Variants in WDR27 observed in about 807,000 individuals in gnomAD.
WDR27 encodes WD repeat domain 27, also known as WD repeat-containing protein 27.
In WDR27, 100 loss-of-function variants were observed where a neutral mutation model predicts 114.4. The observed-to-expected ratio is 0.87, with a 90% CI of 0.74 to 1.03. The LOEUF is 1.03. Among genes scored for constraint, WDR27 ranks in the 50% least tolerant of loss-of-function variants. The pLI is 0.00. For synonymous variants in WDR27, 449 were observed against 423.1 expected (o/e 1.06, Z -0.75); for missense variants, 1,129 against 1,092.9 (o/e 1.03, Z -0.47).
chr6:169,622,080 C>G (rs1813495511), intron 21 of WDR27, among the ~76,000 whole-genome samples: 1 of 152,184 alleles, frequency 6.6e-6, no homozygotes, highest in Non-Finnish European at 1.5e-5. Flanking sequence ...TTTGGAAAGA[C>G]TCATCAGAAA....
chr6:169,600,696 C>T (rs2128168413), intron 23 of WDR27, among the ~76,000 whole-genome samples: 1 of 152,172 alleles, frequency 6.6e-6, no homozygotes, highest in East Asian at 1.9e-4. Context: ...ATTCGATCAA[C>T]TGGAAGAAAG....
intron 25 of WDR27, among the ~76,000 whole-genome samples, chr6:169,571,503 C>T (rs1037224401): frequency 2.0e-5 from 3 of 152,166 alleles, no homozygotes; most frequent in South Asian, 2.1e-4. Flanking sequence ...TAAACATTTA[C>T]GTTCCACATT....
intron 21 of WDR27, among the ~76,000 whole-genome samples, chr6:169,626,430 T>C (rs1347709627): frequency 6.6e-6 from 1 of 152,148 alleles, no homozygotes; most frequent in African/African-American, 2.4e-5. Flanking sequence ...TGCTGCCTTC[T>C]CTGGGCCACA....
rs971688413 is a variant in WDR27 at position 169,542,311 on chromosome 6, A to G, written c.2645+30108T>C. On this transcript the variant is annotated intron_variant, in intron 25 of 25. Coordinates refer to ENST00000448612, the MANE Select transcript of WDR27 (RefSeq NM_182552.5). ...GTATCTTAGCCAGTTATTAAATTAA[A>G]CAAAGTAATTGCAACAAACCAACAT... is the stretch of plus-strand genomic sequence containing the variant. Among the ~76,000 whole-genome samples, 3 of 152,198 alleles carry G rather than the reference A, an allele frequency of 2.0e-5. No homozygotes were observed. The South Asian group carries it at 6.2e-4, about 31-fold the overall frequency.
chr6:169,468,772 T>C (rs1474521133), intron 25 of WDR27, among the ~76,000 whole-genome samples: 1 of 152,122 alleles, frequency 6.6e-6, no homozygotes, highest in Non-Finnish European at 1.5e-5. Context: ...CAAAATAACA[T>C]AGATGGGGGG....
chr6:169,551,847 C>A (rs879300777), intron 25 of WDR27, among the ~76,000 whole-genome samples: 2 of 152,032 alleles, frequency 1.3e-5, no homozygotes. Flanking sequence ...TGCGTCATAA[C>A]CACGCAACTC....
chr6:169,601,318 C>A (rs1233055094), intron 23 of WDR27, among the ~76,000 whole-genome samples: 1 of 152,180 alleles, frequency 6.6e-6, no homozygotes, highest in Non-Finnish European at 1.5e-5. Context: ...ACATCAGAAT[C>A]ATCTGAATCA....
At chr6:169,537,070 A>G (rs991202596) in intron 25 of WDR27, among the ~76,000 whole-genome samples, 30 of 152,176 alleles carry the variant, frequency 2.0e-4, no homozygotes, top group Admixed American at 1.4e-3. Context: ...TCTATTTACC[A>G]GGAGGCCTAT....
intron 13 of WDR27, among the ~76,000 whole-genome samples, chr6:169,657,539 G>A (rs560731492): frequency 6.6e-6 from 1 of 152,356 alleles, no homozygotes; most frequent in South Asian, 2.1e-4. Context: ...GGCGGCTGCG[G>A]AAATGCCTCC....
intron 2 of WDR27, among the ~76,000 whole-genome samples, chr6:169,673,226 G>C (rs1779206760): frequency 6.6e-6 from 1 of 152,100 alleles, no homozygotes; most frequent in African/African-American, 2.4e-5. Context: ...GGGAAAATGG[G>C]ATGGGACTGG....
intron 25 of WDR27, among the ~76,000 whole-genome samples, chr6:169,535,174 G>A (rs983844851): frequency 3.3e-5 from 5 of 152,090 alleles, no homozygotes; most frequent in Admixed American, 3.3e-4. Flanking sequence ...GGAATCAGGT[G>A]GTCTTTAGGG....
downstream of WDR27, chr6:169,457,192 A>G (rs1263651760): frequency 1.1e-5 from 2 of 180,446 alleles, no homozygotes; most frequent in African/African-American, 2.4e-5. Flanking sequence ...CCGACTAATC[A>G]GAAGACCAGA....
At chr6:169,553,058 CTGTGTGTGTGTG>C (rs3033612) in intron 25 of WDR27, among the ~76,000 whole-genome samples, 2 of 30,164 alleles carry the variant, frequency 6.6e-5, no homozygotes, top group Non-Finnish European at 1.4e-4. Context: ...CCTGGAGGGC[CTGTGTGTGTGTG>C]TGTGTGTGTG....
intron 25 of WDR27, among the ~76,000 whole-genome samples, chr6:169,562,507 T>G (rs1031841725): frequency 2.0e-4 from 30 of 151,812 alleles, no homozygotes; most frequent in African/African-American, 7.0e-4. Context: ...TATGGGGGAG[T>G]GTAGAGCACC....
At chr6:169,477,712 G>A (rs1450690873) in intron 25 of WDR27, among the ~76,000 whole-genome samples, 1 of 152,152 alleles carries the variant, frequency 6.6e-6, no homozygotes, top group Non-Finnish European at 1.5e-5. Flanking sequence ...GGGATTAAAG[G>A]CGTGATCCAC....
chr6:169,429,376 G>A, the WDR27 span, among the ~76,000 whole-genome samples: 1 of 151,446 alleles, frequency 6.6e-6, no homozygotes, highest in Non-Finnish European at 1.5e-5. Context: ...CCCTTGCACA[G>A]GCATTTGTGA....
At chr6:169,667,719 C>A (rs2128288396) in intron 5 of WDR27, among the ~76,000 whole-genome samples, 1 of 152,352 alleles carries the variant, frequency 6.6e-6, no homozygotes. Flanking sequence ...TGCCTGGGCG[C>A]TCCCAGGCCC....
At chr6:169,589,172 T>C (rs900129820) in intron 23 of WDR27, among the ~76,000 whole-genome samples, 2 of 152,192 alleles carry the variant, frequency 1.3e-5, no homozygotes, top group Non-Finnish European at 1.5e-5. Flanking sequence ...CTGCCTGCTG[T>C]TTAGATTAAA....
At chr6:169,503,156 G>C (rs1402415767) in intron 25 of WDR27, among the ~76,000 whole-genome samples, 3 of 152,144 alleles carry the variant, frequency 2.0e-5, no homozygotes, top group Non-Finnish European at 4.4e-5. Flanking sequence ...AGGGCCTGGG[G>C]TGAAAACATC....
Sources: allele counts gnomAD v4.1 joint callset (sites outside exome capture counted in the v4.1 genomes callset), GRCh38; gene constraint gnomAD v4.1.1; transcripts MANE v1.5; gene names NCBI Gene and HGNC (gene_info 2026-07-23, HGNC 2026-07-21).